The following NUP62 variants were observed in gnomAD, a reference collection of about 807,000 sequenced individuals.
NUP62 encodes nuclear pore glycoprotein p62.
For synonymous variants in NUP62, 305 were observed against 303.4 expected (o/e 1.01, Z -0.05); for missense variants, 647 against 689.4 (o/e 0.94, Z 0.69).
chr19:49,922,467 G>A (rs915023602), intron 2 of NUP62, among the ~76,000 whole-genome samples: 1 of 151,984 alleles, frequency 6.6e-6, no homozygotes, highest in Non-Finnish European at 1.5e-5. Context: ...GTGTCGGAAT[G>A]AAGCCCTACT....
chr19:49,910,022 C>T (rs1054315115), intron 2 of NUP62, 138 bp from the exon 3 acceptor site: 3 of 638,380 alleles, frequency 4.7e-6, no homozygotes, highest in African/African-American at 3.6e-5. Context: ...GGCTCTGCTA[C>T]ATCGAGAAGG....
chr19:49,908,431 G>A lies in NUP62; in HGVS notation c.1377C>T (p.Asn459=). Residue 459 remains asparagine, a synonymous_variant, in exon 3 of 3, where the codon AAC becomes AAT. Coordinates refer to ENST00000352066, the MANE Select transcript of NUP62 (RefSeq NM_016553.5). ...QDLKDIIEHL[N]TSGAPADTSD... Reference sequence around the variant, plus strand: ...TGGTGTCGGCGGGGGCCCCGGACGTGTTCAGGTGCTCGATGATGTCCTTGA... The same window carrying A: ...TGGTGTCGGCGGGGGCCCCGGACGTATTCAGGTGCTCGATGATGTCCTTGA... 1.2e-6 allele frequency: 2 copies of A among 1,614,136 alleles called. No homozygotes were observed. Among genetic ancestry groups the A allele is most frequent in the Non-Finnish European group, 1.7e-6 (2 of 1,180,052 alleles).
In NUP62 at chr19:49,908,416, G is replaced by A. The variant is rs767067886; in HGVS notation, c.1392C>T (p.Pro464=). The change falls in exon 3 of 3, where the codon CCC becomes CCT. Residue 464 remains proline, a synonymous_variant. Coordinates refer to ENST00000352066, the MANE Select transcript of NUP62 (RefSeq NM_016553.5). Reference sequence around the variant, plus strand: ...GCTGCAGTGGGTCACTGGTGTCGGCGGGGGCCCCGGACGTGTTCAGGTGCT... The same window carrying A: ...GCTGCAGTGGGTCACTGGTGTCGGCAGGGGCCCCGGACGTGTTCAGGTGCT... ...IIEHLNTSGA[P]ADTSDPLQQI... The A allele has an allele frequency of 3.1e-5, 50 of 1,613,990 alleles. No homozygotes were observed. The highest frequency in any genetic ancestry group is 3.6e-5 in the Non-Finnish European group (42 of 1,180,052).
intron 2 of NUP62, among the ~76,000 whole-genome samples, chr19:49,923,587 G>A (rs953987589): frequency 5.3e-5 from 8 of 152,234 alleles, no homozygotes; most frequent in African/African-American, 1.9e-4. Context: ...CTTCACTGAT[G>A]CCATCTCCAC....
chr19:49,925,277 T>A (rs1322397584), intron 2 of NUP62, among the ~76,000 whole-genome samples: 1 of 150,570 alleles, frequency 6.6e-6, no homozygotes, highest in Non-Finnish European at 1.5e-5. Context: ...ACCAAAAAAA[T>A]TAAAAAACAA....
chr19:49,907,836 T>C lies in NUP62; in HGVS notation c.*403A>G, dbSNP rs2075358428. 1 of 334,192 alleles carries C rather than the reference T, an allele frequency of 3.0e-6. No homozygotes were observed. Among genetic ancestry groups the C allele is most frequent in the Non-Finnish European group, 5.7e-6 (1 of 175,600 alleles). 20.7% of individuals were successfully genotyped at this position (334,192 alleles called of 1,614,324 possible). A position where few individuals can be genotyped will look rare whatever the true frequency, so the allele number is the denominator to read the frequency against. On this transcript the variant is annotated 3_prime_UTR_variant, in exon 3 of 3. Coordinates refer to ENST00000352066, the MANE Select transcript of NUP62 (RefSeq NM_016553.5). ...CAGGGGTGAGCCACTGCGCCCTGAC[T>C]TGGAGGTTCTCTTACATTTGGTATT...
Position 49,909,418 on chromosome 19 carries a change from G to A in NUP62, c.390C>T (p.Thr130=). 6.2e-7 allele frequency: 1 copy of A among 1,613,918 alleles called. No homozygotes were observed. Among genetic ancestry groups the A allele is most frequent in the South Asian group, 1.1e-5 (1 of 91,088 alleles). ...CGGTGGGTGCTGTGCCCTGGCTGGA[G>A]GTGACGGTGCTCGATATGGCATTAG... ...NLTNAISSTV[T]SSQGTAPTGF... Residue 130 remains threonine (T), a synonymous_variant, in exon 3 of 3, where the codon ACC becomes ACT. Transcript: ENST00000352066.
At chr19:49,928,481 C>G (rs1167306661) in intron 1 of NUP62, 1 of 150,662 alleles carries the variant, frequency 6.6e-6, no homozygotes, top group East Asian at 2.0e-4. Flanking sequence ...CGCGCCACTG[C>G]ACTCCAGCCT....
In NUP62 at chr19:49,908,088, C is replaced by A. The variant is rs745899876; in HGVS notation, c.*151G>T. ...CAGAATACCCTCCTAAATGGAAAAA[C>A]GCAAAGCACACAGCGATCATGTCAA... On this transcript the variant is annotated 3_prime_UTR_variant, in exon 3 of 3. Transcript: ENST00000352066. 1.6e-5 allele frequency: 24 copies of A among 1,460,258 alleles called. No homozygotes were observed. In the African/African-American group the frequency reaches 3.0e-4, roughly 18 times the overall value. 90.5% of individuals were successfully genotyped at this position (1,460,258 alleles called of 1,614,324 possible). A position where few individuals can be genotyped will look rare whatever the true frequency, so the allele number is the denominator to read the frequency against.
chr19:49,925,171 G>A (rs557219324), intron 2 of NUP62, among the ~76,000 whole-genome samples: 111 of 152,210 alleles, frequency 7.3e-4, no homozygotes, highest in African/African-American at 2.6e-3. Flanking sequence ...TGAGGCAGGA[G>A]AATCTCTTGA....
intron 2 of NUP62, among the ~76,000 whole-genome samples, chr19:49,920,278 T>G (rs560451640): frequency 6.6e-6 from 1 of 152,332 alleles, no homozygotes; most frequent in East Asian, 1.9e-4. Flanking sequence ...AGACGGGGTT[T>G]CGCCATGTTG....
At chr19:49,909,992 A>C (rs1311690891) in intron 2 of NUP62, 108 bp from the exon 3 acceptor site, 1 of 695,880 alleles carries the variant, frequency 1.4e-6, no homozygotes, top group African/African-American at 1.8e-5. Flanking sequence ...ATAATGATGC[A>C]TGCTGTGTAA....
At position 49,929,424 on chromosome 19, in the gene NUP62, C is replaced by G. The variant is rs1180810155; in HGVS notation, c.-298G>C. On this transcript the variant is annotated 5_prime_UTR_variant, in exon 1 of 3. Transcript: ENST00000352066. ...GAGTGAGTAACCGCTTACCTCTTCT[C>G]CAACTGCCTTTCCCGCCCTTTCGCA... 1 of 152,772 alleles carries G rather than the reference C, an allele frequency of 6.5e-6. No individual in the cohort carries two copies. The highest frequency in any genetic ancestry group is 2.4e-5 in the African/African-American group (1 of 41,592). 9.5% of individuals were successfully genotyped at this position (152,772 alleles called of 1,614,324 possible). A position where few individuals can be genotyped will look rare whatever the true frequency, so the allele number is the denominator to read the frequency against.
At chr19:49,918,895 T>TGGGGGGGG (rs56129490) in intron 2 of NUP62, among the ~76,000 whole-genome samples, 102 of 72,318 alleles carry the variant, frequency 1.4e-3, no homozygotes, top group Admixed American at 3.7e-3. Flanking sequence ...TTTGGGAGGC[T>TGGGGGGGG]GGGGGGGGGG....
At chr19:49,911,660 A>T (rs2122626009) in intron 2 of NUP62, among the ~76,000 whole-genome samples, 1 of 152,308 alleles carries the variant, frequency 6.6e-6, no homozygotes, top group Non-Finnish European at 1.5e-5. Context: ...CCCCAGGGCC[A>T]GCTGCACACG....
intron 2 of NUP62, 21 bp from the exon 3 acceptor site, chr19:49,909,905 T>C (rs908078625): frequency 5.9e-6 from 8 of 1,347,992 alleles, no homozygotes; most frequent in Admixed American, 3.8e-5. Flanking sequence ...GGAAGTGACA[T>C]TGTCAGATGG....
chr19:49,923,779 C>G (rs887506792), intron 2 of NUP62, among the ~76,000 whole-genome samples: 2 of 152,250 alleles, frequency 1.3e-5, no homozygotes, highest in African/African-American at 2.4e-5. Context: ...GAGGATGCCA[C>G]TTGCTGAGGG....
chr19:49,908,944 G>A lies in NUP62; in HGVS notation c.864C>T (p.Thr288=), dbSNP rs367743600. ...GTGGTTTTAAATTCAAGGCAAAGCC[G>A]GTGGTGCTGCTGCTGCTGGTGGTGG... ...TATTTSSSST[T]GFALNLKPLA... The change falls in exon 3 of 3, where the codon ACC becomes ACT. Residue 288 remains threonine (T), a synonymous_variant. Transcript: ENST00000352066. 30 of 1,609,236 alleles carry A rather than the reference G, an allele frequency of 1.9e-5. No homozygotes were observed. The highest frequency in any genetic ancestry group is 6.7e-5 in the African/African-American group (5 of 74,780).
rs370542908 is a variant in NUP62, at chr19:49,909,615, G to C, written c.193C>G (p.Gln65Glu). ...CCTGTCGTCTGTGTGGCCGGAGTCT[G>C]GGTGGCAAGTGAGAACAGGCCGGTG... ...PSTGLFSLAT[Q>E]TPATQTTGFT... The change falls in exon 3 of 3, where the codon CAG becomes GAG. Residue 65 changes from glutamine to glutamate, a missense_variant. By Grantham distance (29) the Gln-to-Glu change is conservative. Coordinates refer to ENST00000352066, the MANE Select transcript of NUP62 (RefSeq NM_016553.5). The C allele has an allele frequency of 8.1e-6, 13 of 1,613,282 alleles. No homozygotes were observed. Among genetic ancestry groups the C allele is most frequent in the Admixed American group, 5.0e-5 (3 of 59,962 alleles).
Sources: gnomAD v4.1 joint callset for allele counts (sites outside exome capture counted in the v4.1 genomes callset) on GRCh38, gnomAD v4.1.1 for gene constraint, MANE v1.5 for transcripts, NCBI Gene and HGNC (gene_info 2026-07-23, HGNC 2026-07-21) for gene names.